MACROD2: variants seen among roughly 807,000 people sequenced by gnomAD.
MACROD2 encodes ADP-ribose glycohydrolase MACROD2.
Under a neutral mutation model 70.4 loss-of-function variants are expected in MACROD2, and 36 were observed. The ratio of observed to expected loss-of-function variants is 0.51; its 90% CI spans 0.39 to 0.68. The LOEUF (loss-of-function observed/expected upper bound fraction) is 0.68, where lower values mean the gene tolerates loss of function less well. MACROD2 is among the 30% of genes least tolerant of loss of function. The pLI is 0.00. For synonymous variants in MACROD2, 172 were observed against 178.8 expected (o/e 0.96, Z 0.30); for missense variants, 496 against 538.4 (o/e 0.92, Z 0.78).
intron 3 of MACROD2, among the ~76,000 whole-genome samples, chr20:14,130,686 G>C (rs2054705734): frequency 6.6e-6 from 1 of 152,154 alleles, no homozygotes; most frequent in Admixed American, 6.6e-5. Context: ...AGCAGGGCTT[G>C]TTGATCAGTA....
intron 10 of MACROD2, among the ~76,000 whole-genome samples, chr20:15,905,759 AT>A (rs535967044): frequency 1.4e-3 from 219 of 152,326 alleles, no homozygotes; most frequent in Admixed American, 3.5e-3. Context: ...CTTTCCTGCT[AT>A]ACCAGAGAGA....
intron 5 of MACROD2, among the ~76,000 whole-genome samples, chr20:14,954,757 A>AACT (rs2074509149): frequency 3.5e-5 from 1 of 28,742 alleles, no homozygotes; most frequent in Non-Finnish European, 8.1e-5. Context: ...TAAATATATA[A>AACT]ATAAATTTTA....
chr20:15,559,368 G>A (rs2048213050), intron 8 of MACROD2, among the ~76,000 whole-genome samples: 1 of 152,014 alleles, frequency 6.6e-6, no homozygotes, highest in Admixed American at 6.5e-5. Context: ...AATCTCTGGA[G>A]TAGGATCACT....
At chr20:16,037,449 A>G (rs995150213) in intron 15 of MACROD2, among the ~76,000 whole-genome samples, 1 of 151,988 alleles carries the variant, frequency 6.6e-6, no homozygotes, top group Admixed American at 6.6e-5. Flanking sequence ...AGATCCCATC[A>G]GAAACAAGGA....
intron 8 of MACROD2, among the ~76,000 whole-genome samples, chr20:15,804,968 A>G (rs2063755855): frequency 6.6e-6 from 1 of 152,208 alleles, no homozygotes; most frequent in South Asian, 2.1e-4. Flanking sequence ...ACTGTCTCCC[A>G]GAGCTTCCCA....
chr20:14,690,428 C>G (rs889472975), intron 5 of MACROD2, among the ~76,000 whole-genome samples: 1 of 152,144 alleles, frequency 6.6e-6, no homozygotes, highest in African/African-American at 2.4e-5. Flanking sequence ...CAATAATAAT[C>G]AGATGATAGT....
At chr20:15,164,368 CT>C (rs2076368678) in intron 5 of MACROD2, among the ~76,000 whole-genome samples, 1 of 151,948 alleles carries the variant, frequency 6.6e-6, no homozygotes, top group Non-Finnish European at 1.5e-5. Flanking sequence ...CATTTGTGGA[CT>C]TTGGTATGAG....
chr20:14,663,306 C>A (rs111682781), intron 4 of MACROD2, among the ~76,000 whole-genome samples: 4,547 of 151,424 alleles, frequency 0.03, 98 homozygotes, highest in Non-Finnish European at 0.044. Context: ...CATGGGGGAA[C>A]AACACACACA....
chr20:14,637,431 A>T (rs183133327), intron 4 of MACROD2, among the ~76,000 whole-genome samples: 74 of 152,328 alleles, frequency 4.9e-4, no homozygotes, highest in Non-Finnish European at 8.4e-4. Context: ...AAACTGCCTA[A>T]CTAGTAGTTA....
chr20:15,223,866 A>G lies in MACROD2; in HGVS notation c.419-6074A>G, dbSNP rs569560747. The stretch of plus-strand genomic sequence containing the variant: ...TGAGATCTTTGTGACATTGGCAACC[A>G]GTAGAATATTGTGGTAGTGATGCTG... On this transcript the variant is annotated intron_variant, in intron 5 of 17. Coordinates refer to ENST00000684519, the MANE Select transcript of MACROD2 (RefSeq NM_001351661.2). Among the ~76,000 whole-genome samples, 3 of 152,286 alleles carry G rather than the reference A, an allele frequency of 2.0e-5. No homozygotes were observed. The East Asian group carries it at 5.8e-4, about 29-fold the overall frequency.
chr20:14,127,592 GA>G (rs1274684835), intron 3 of MACROD2: 2 of 464,282 alleles, frequency 4.3e-6, no homozygotes, highest in African/African-American at 4.1e-5. Context: ...GAAACTGAAG[GA>G]AGAAGTTGAA....
chr20:15,596,473 A>C (rs925755324), intron 8 of MACROD2, among the ~76,000 whole-genome samples: 2 of 152,244 alleles, frequency 1.3e-5, no homozygotes, highest in African/African-American at 4.8e-5. Flanking sequence ...CCTTAGAGGC[A>C]TATTGACTCA....
intron 3 of MACROD2, among the ~76,000 whole-genome samples, chr20:14,463,712 A>G (rs965418335): frequency 6.6e-5 from 10 of 152,102 alleles, no homozygotes; most frequent in Non-Finnish European, 1.5e-4. Flanking sequence ...TGTCCCATCA[A>G]TACCTAATTT....
At chr20:15,028,390 C>A (rs2075249759) in intron 5 of MACROD2, among the ~76,000 whole-genome samples, 1 of 152,132 alleles carries the variant, frequency 6.6e-6, no homozygotes, top group Non-Finnish European at 1.5e-5. Flanking sequence ...ATTAGACACC[C>A]AAATCTACTG....
chr20:14,433,195 A>C (rs1173388630), intron 3 of MACROD2, among the ~76,000 whole-genome samples: 1 of 152,140 alleles, frequency 6.6e-6, no homozygotes, highest in Non-Finnish European at 1.5e-5. Context: ...GTCTTAAGGA[A>C]GGAGATGAAA....
At chr20:15,089,072 CA>C (rs1296761382) in intron 5 of MACROD2, among the ~76,000 whole-genome samples, 3 of 152,038 alleles carry the variant, frequency 2.0e-5, no homozygotes, top group Non-Finnish European at 4.4e-5. Flanking sequence ...GTTATTGGCA[CA>C]AACATTAGCA....
At chr20:15,978,582 G>GTTTCTC (rs766357430) in intron 13 of MACROD2, among the ~76,000 whole-genome samples, 1 of 146,428 alleles carries the variant, frequency 6.8e-6, no homozygotes. Flanking sequence ...CTGACCTTGG[G>GTTTCTC]TCTCTCTCTC....
chr20:15,267,545 A>C (rs953423269), intron 6 of MACROD2, among the ~76,000 whole-genome samples: 2 of 152,130 alleles, frequency 1.3e-5, no homozygotes, highest in Non-Finnish European at 2.9e-5. Context: ...CAAGATATTG[A>C]ATAAACATGG....
Position 14,020,014 on chromosome 20 carries a change from A to C in MACROD2, c.163+17610A>C, listed in dbSNP as rs77129878. The stretch of plus-strand genomic sequence containing the variant: ...AAACTGTAAACTAAATTTCTTTCAA[A>C]ATTAGCTCGGGCCATGCCTAGGAAT... On this transcript the variant is annotated intron_variant, in intron 2 of 17. Coordinates refer to ENST00000684519, the MANE Select transcript of MACROD2 (RefSeq NM_001351661.2). 8.5e-5 allele frequency among the ~76,000 whole-genome samples: 13 copies of C among 152,202 alleles called. 1 individual carries two copies. In the East Asian group the frequency reaches 2.5e-3, roughly 29 times the overall value.
Sources: gnomAD v4.1 joint callset for allele counts (sites outside exome capture counted in the v4.1 genomes callset) on GRCh38, gnomAD v4.1.1 for gene constraint, MANE v1.5 for transcripts, NCBI Gene and HGNC (gene_info 2026-07-23, HGNC 2026-07-21) for gene names.